Variants in AGBL4 observed in about 807,000 individuals in gnomAD.
AGBL4 encodes the protein cytosolic carboxypeptidase 6.
AGBL4 carries 58 observed loss-of-function variants against 66.4 expected under a neutral mutation model. That is an observed-to-expected ratio of 0.87 (90% CI 0.71 to 1.09). AGBL4 has a LOEUF of 1.09. Among genes scored for constraint, AGBL4 ranks in the 50% least tolerant of loss-of-function variants. The probability of loss-of-function intolerance (pLI) is 0.00; values close to 1 mark genes in which losing one functional copy is unlikely to be tolerated. For synonymous variants in AGBL4, 234 were observed against 222.9 expected, an observed-to-expected ratio of 1.05 and a Z score of -0.44; for missense variants, 579 against 631.0, an observed-to-expected ratio of 0.92 and a Z score of 0.88.
At chr1:49,213,915 C>T (rs1253490665) in intron 4 of AGBL4, among the ~76,000 whole-genome samples, 1 of 152,118 alleles carries the variant, frequency 6.6e-6, no homozygotes. Flanking sequence ...CCATAGCAGA[C>T]AGTTCCTGTG....
rs1396823757 is a variant in AGBL4, at chr1:49,107,690, T to TGAGAGAGAGA, written c.378-61891_378-61890insTCTCTCTCTC. 2.5e-3 allele frequency among the ~76,000 whole-genome samples: 265 copies of TGAGAGAGAGA among 107,022 alleles called. 1 individual carries two copies. The highest frequency in any genetic ancestry group is 7.9e-3 in the African/African-American group (226 of 28,546). 70.2% of individuals were successfully genotyped at this position (107,022 alleles called of 152,430 possible). On this transcript the variant is annotated intron_variant, in intron 4 of 13. Transcript: ENST00000371839. Reference sequence around the variant, plus strand: ...ATATGTGTATGTGTGTGTGTGTGTGTGTGTGAGAGAGAGAGAGAGAGAGAG... The same window carrying TGAGAGAGAGA: ...ATATGTGTATGTGTGTGTGTGTGTGTGAGAGAGAGAGTGTGAGAGAGAGAGAGAGAGAGAG...
intron 9 of AGBL4, among the ~76,000 whole-genome samples, chr1:48,598,478 T>C (rs1455093717): frequency 6.6e-6 from 1 of 152,002 alleles, no homozygotes; most frequent in East Asian, 2.0e-4. Flanking sequence ...ATGACTGTTT[T>C]AAAATAAATT....
intron 3 of AGBL4, among the ~76,000 whole-genome samples, chr1:49,456,029 G>A (rs1181539967): frequency 6.6e-6 from 1 of 151,736 alleles, no homozygotes; most frequent in East Asian, 1.9e-4. Flanking sequence ...ACTTCCAAGA[G>A]AGCCTACTGG....
intron 2 of AGBL4, among the ~76,000 whole-genome samples, chr1:49,765,120 CTG>C (rs1037359182): frequency 2.0e-5 from 3 of 152,152 alleles, no homozygotes; most frequent in Non-Finnish European, 4.4e-5. Flanking sequence ...CATTGCCCAG[CTG>C]TGTCCCTCCA....
chr1:49,834,028 A>G (rs1175473191), intron 2 of AGBL4, among the ~76,000 whole-genome samples: 1 of 152,144 alleles, frequency 6.6e-6, no homozygotes, highest in African/African-American at 2.4e-5. Flanking sequence ...CATCAGGGAT[A>G]TTGGCCTGAA....
chr1:49,303,706 C>A (rs182516178), intron 3 of AGBL4, among the ~76,000 whole-genome samples: 5 of 152,084 alleles, frequency 3.3e-5, no homozygotes, highest in African/African-American at 1.2e-4. Context: ...AAACTCCTGG[C>A]CTCAAGTGAT....
At chr1:49,083,738 C>A (rs1228275615) in intron 4 of AGBL4, among the ~76,000 whole-genome samples, 1 of 152,158 alleles carries the variant, frequency 6.6e-6, no homozygotes, top group Non-Finnish European at 1.5e-5. Flanking sequence ...ATTGGTTTTT[C>A]TTTTCTACAG....
intron 3 of AGBL4, among the ~76,000 whole-genome samples, chr1:49,328,082 G>C (rs891498621): frequency 5.3e-5 from 8 of 152,140 alleles, no homozygotes; most frequent in African/African-American, 1.9e-4. Context: ...CAAACCAAAG[G>C]TGAAAGGAAC....
Position 49,876,060 on chromosome 1 carries a change from C to G in AGBL4, c.35-24542G>C, listed in dbSNP as rs1413866045. ...TCATTGTAGATTCTGGATATTAGCC[C>G]TTTGTCAGATGAGTAGGTTGCGAAA... is the stretch of plus-strand genomic sequence containing the variant. On this transcript the variant is annotated intron_variant, in intron 1 of 13. Coordinates refer to ENST00000371839, the MANE Select transcript of AGBL4 (RefSeq NM_032785.4). Among the ~76,000 whole-genome samples, 33 of 147,854 alleles carry G rather than the reference C, an allele frequency of 2.2e-4. No individual in the cohort carries two copies. The South Asian group carries it at 3.7e-3, about 16-fold the overall frequency.
At chr1:48,828,185 CAAAAA>C (rs569351077) in intron 6 of AGBL4, among the ~76,000 whole-genome samples, 1 of 123,400 alleles carries the variant, frequency 8.1e-6, no homozygotes. Flanking sequence ...AACTCCATCT[CAAAAA>C]AAAAAAAAAA....
chr1:49,639,430 T>C (rs1047269151), intron 3 of AGBL4, among the ~76,000 whole-genome samples: 14 of 152,244 alleles, frequency 9.2e-5, no homozygotes, highest in Non-Finnish European at 1.8e-4. Flanking sequence ...CTCACACTTT[T>C]ATGTCTCAGA....
intron 6 of AGBL4, among the ~76,000 whole-genome samples, chr1:48,735,090 A>G (rs917603744): frequency 6.6e-6 from 1 of 152,236 alleles, no homozygotes; most frequent in Non-Finnish European, 1.5e-5. Flanking sequence ...TAGGGTTGCT[A>G]TGAGGATAAT....
chr1:48,618,231 C>A (rs566865054), intron 9 of AGBL4, among the ~76,000 whole-genome samples: 2 of 152,292 alleles, frequency 1.3e-5, no homozygotes, highest in South Asian at 4.1e-4. Flanking sequence ...AAACAATAAT[C>A]CCTGTCTCAC....
chr1:48,653,299 TAA>T (rs1645962388), intron 8 of AGBL4, 36 bp downstream of exon 8: 1 of 1,475,070 alleles, frequency 6.8e-7, no homozygotes, highest in Non-Finnish European at 9.2e-7. Flanking sequence ...TACCATCCTA[TAA>T]GTACTTGCTT....
intron 5 of AGBL4, among the ~76,000 whole-genome samples, chr1:48,899,272 C>A (rs904631694): frequency 6.6e-6 from 1 of 152,242 alleles, no homozygotes; most frequent in Non-Finnish European, 1.5e-5. Context: ...CTAACATGAT[C>A]ACAAGGCCAT....
chr1:49,384,549 T>C (rs908828195), intron 3 of AGBL4, among the ~76,000 whole-genome samples: 3 of 151,914 alleles, frequency 2.0e-5, no homozygotes, highest in Admixed American at 2.0e-4. Flanking sequence ...GTCAAGATTA[T>C]ACCACTGCAC....
intron 3 of AGBL4, among the ~76,000 whole-genome samples, chr1:49,369,602 G>A (rs962526025): frequency 6.6e-6 from 1 of 152,136 alleles, no homozygotes; most frequent in African/African-American, 2.4e-5. Context: ...TCTGAGTTGA[G>A]AAGATAAATT....
chr1:48,682,966 TC>T (rs1422299590), intron 6 of AGBL4, among the ~76,000 whole-genome samples: 1 of 152,122 alleles, frequency 6.6e-6, no homozygotes, highest in Non-Finnish European at 1.5e-5. Context: ...AACCATGGCA[TC>T]CAGGAAAAGC....
At chr1:48,964,918 A>C (rs958966913) in intron 5 of AGBL4, among the ~76,000 whole-genome samples, 6 of 151,724 alleles carry the variant, frequency 4.0e-5, no homozygotes, top group Admixed American at 1.3e-4. Context: ...AAAAAAAATC[A>C]AACAGTTTGT....
Sources: gnomAD v4.1 joint callset for allele counts (sites outside exome capture counted in the v4.1 genomes callset) on GRCh38, gnomAD v4.1.1 for gene constraint, MANE v1.5 for transcripts, NCBI Gene and HGNC (gene_info 2026-07-23, HGNC 2026-07-21) for gene names.